DAB1: variants seen among roughly 807,000 people sequenced by gnomAD.
DAB1 encodes the protein disabled homolog 1.
A neutral mutation model predicts 64.6 loss-of-function variants in DAB1; 15 were observed. The observed-to-expected ratio is 0.23, with a 90% confidence interval of 0.16 to 0.36. DAB1 has a LOEUF of 0.36. Ranked by LOEUF, DAB1 falls within the 10% of genes least tolerant of loss-of-function variation. DAB1 has a pLI of 1.00. For missense variants in DAB1, 596 were observed against 706.7 expected (o/e 0.84, Z 1.78); for synonymous variants, 235 against 251.9 (o/e 0.93, Z 0.64).
At chr1:58,171,599 C>A (rs1263758637) in intron 4 of DAB1, among the ~76,000 whole-genome samples, 1 of 152,208 alleles carries the variant, frequency 6.6e-6, no homozygotes, top group African/African-American at 2.4e-5. Context: ...TATTCCCCTG[C>A]ACTCTGACTC....
At chr1:58,242,140 TAATA>T (rs1224908877) in intron 4 of DAB1, among the ~76,000 whole-genome samples, 5 of 152,012 alleles carry the variant, frequency 3.3e-5, no homozygotes, top group Non-Finnish European at 7.4e-5. Context: ...CCATTGAAAA[TAATA>T]ACATATCTAA....
At chr1:57,137,664 A>G (rs779312127) in intron 3 of DAB1, among the ~76,000 whole-genome samples, 2 of 152,208 alleles carry the variant, frequency 1.3e-5, no homozygotes, top group African/African-American at 4.8e-5. Context: ...GCCTCTAAAG[A>G]TGGCAAGATT....
intron 4 of DAB1, chr1:58,150,681 C>T (rs891158479): frequency 4.6e-5 from 7 of 150,884 alleles, no homozygotes; most frequent in African/African-American, 1.7e-4. Context: ...TTTAATAAGA[C>T]CATAGTTTTT....
At chr1:58,423,485 T>C (rs1449691486) in intron 3 of DAB1, among the ~76,000 whole-genome samples, 1 of 152,182 alleles carries the variant, frequency 6.6e-6, no homozygotes, top group Non-Finnish European at 1.5e-5. Context: ...AGCTCTGTGC[T>C]GGTTATCCTC....
intron 4 of DAB1, among the ~76,000 whole-genome samples, chr1:57,112,717 T>C (rs1343220749): frequency 1.3e-5 from 2 of 152,040 alleles, no homozygotes; most frequent in Non-Finnish European, 2.9e-5. Flanking sequence ...ATTTGATTAA[T>C]GTAAGAAGAT....
rs183481806 is a variant in DAB1 at position 58,356,296 on chromosome 1, G to A, written n.258-12893C>T. ...ACCTGTATATTATCTAAAATCAGCA[G>A]GAACCTTGCCTGTTTGTTCACTAGA... On this transcript the variant is annotated intron_variant and non_coding_transcript_variant, in intron 3 of 20. Transcript: ENST00000485760. Among the ~76,000 whole-genome samples, 25 of 152,274 alleles carry A rather than the reference G, an allele frequency of 1.6e-4. No individual in the cohort carries two copies. In the East Asian group the frequency reaches 4.3e-3, roughly 26 times the overall value.
chr1:57,357,859 T>C (rs1456995189), intron 1 of DAB1, among the ~76,000 whole-genome samples: 2 of 151,938 alleles, frequency 1.3e-5, no homozygotes, highest in African/African-American at 2.4e-5. Flanking sequence ...ACCATCCCCA[T>C]GATTCAATTA....
chr1:57,306,841 ATG>A (rs990767513), intron 1 of DAB1: 20 of 152,232 alleles, frequency 1.3e-4, no homozygotes, highest in African/African-American at 3.9e-4. Context: ...ATTTGATATT[ATG>A]TGAGTGCAAT....
At chr1:57,678,263 C>T (rs1646591651) in intron 6 of DAB1, among the ~76,000 whole-genome samples, 1 of 152,162 alleles carries the variant, frequency 6.6e-6, no homozygotes, top group South Asian at 2.1e-4. Flanking sequence ...AGAGGCATTG[C>T]AGAGGACCCA....
chr1:57,565,529 A>G (rs570226843), intron 7 of DAB1, among the ~76,000 whole-genome samples: 30 of 152,158 alleles, frequency 2.0e-4, no homozygotes, highest in Non-Finnish European at 3.7e-4. Flanking sequence ...CTGGAGACCC[A>G]TCTCACGTGC....
intron 5 of DAB1, among the ~76,000 whole-genome samples, chr1:58,102,541 T>G (rs1651384815): frequency 6.6e-6 from 1 of 152,166 alleles, no homozygotes; most frequent in African/African-American, 2.4e-5. Flanking sequence ...TATTTTTATA[T>G]CAAGATCTTA....
At chr1:58,100,378 G>A (rs1651242634) in intron 5 of DAB1, among the ~76,000 whole-genome samples, 1 of 152,154 alleles carries the variant, frequency 6.6e-6, no homozygotes, top group Non-Finnish European at 1.5e-5. Context: ...TGTAGCCTGT[G>A]TCAGAATTTT....
chr1:57,267,088 T>C (rs1223503378), intron 2 of DAB1, among the ~76,000 whole-genome samples: 1 of 152,216 alleles, frequency 6.6e-6, no homozygotes, highest in East Asian at 1.9e-4. Context: ...TTAAGAATCT[T>C]GAGATGAAAG....
chr1:58,237,318 A>G (rs1402226238), intron 4 of DAB1, among the ~76,000 whole-genome samples: 1 of 152,210 alleles, frequency 6.6e-6, no homozygotes, highest in Admixed American at 6.5e-5. Flanking sequence ...TATGTAAGAC[A>G]CTATGCTGGG....
intron 4 of DAB1, among the ~76,000 whole-genome samples, chr1:57,090,408 ATT>A (rs1424229777): frequency 6.6e-6 from 1 of 152,146 alleles, no homozygotes; most frequent in Admixed American, 6.6e-5. Context: ...GCATCTAGCA[ATT>A]TCCTATCATT....
chr1:57,677,665 A>G lies in DAB1; in HGVS notation n.552-28000T>C, dbSNP rs140530358. Among the ~76,000 whole-genome samples, 35 of 152,324 alleles carry G rather than the reference A, an allele frequency of 2.3e-4. No homozygotes were observed. The East Asian group carries it at 5.6e-3, about 24-fold the overall frequency. On this transcript the variant is annotated intron_variant and non_coding_transcript_variant, in intron 6 of 20. Coordinates refer to the DAB1 transcript ENST00000485760. Reference sequence around the variant, plus strand: ...TTAGCTGAGATACTCTGAACGACCAACTGATAATTAGAATTAATTAGAGAT... The same window carrying G: ...TTAGCTGAGATACTCTGAACGACCAGCTGATAATTAGAATTAATTAGAGAT...
At chr1:58,517,250 G>A (rs1646171569) in intron 2 of DAB1, among the ~76,000 whole-genome samples, 1 of 152,194 alleles carries the variant, frequency 6.6e-6, no homozygotes, top group East Asian at 1.9e-4. Flanking sequence ...TAGACAAGGT[G>A]TAAAATCCTT....
intron 7 of DAB1, among the ~76,000 whole-genome samples, chr1:57,462,272 T>C (rs1056603515): frequency 2.0e-5 from 3 of 152,100 alleles, no homozygotes; most frequent in East Asian, 1.9e-4. Flanking sequence ...ATAGTGTAAG[T>C]GTAAAAGGAA....
intron 6 of DAB1, among the ~76,000 whole-genome samples, chr1:57,700,031 T>C (rs751314284): frequency 2.6e-5 from 4 of 152,194 alleles, no homozygotes; most frequent in Admixed American, 6.5e-5. Flanking sequence ...ATTTCTTCTG[T>C]CTCTTTTCTA....
Sources: allele counts gnomAD v4.1 joint callset (sites outside exome capture counted in the v4.1 genomes callset), GRCh38; gene constraint gnomAD v4.1.1; transcripts MANE v1.5; gene names NCBI Gene and HGNC (gene_info 2026-07-23, HGNC 2026-07-21).